The following LRCH1 variants were observed in gnomAD, a reference collection of about 807,000 sequenced individuals.
LRCH1 encodes the protein leucine rich repeats and calponin homology domain containing 1.
In LRCH1, 23 loss-of-function variants were observed where a neutral mutation model predicts 94.9. The observed-to-expected ratio is 0.24, with a 90% CI of 0.17 to 0.34. LRCH1 has a LOEUF of 0.34. LRCH1 is among the 10% of genes least tolerant of loss of function. The probability of loss-of-function intolerance (pLI) is 1.00; values close to 1 mark genes in which losing one functional copy is unlikely to be tolerated. For synonymous variants in LRCH1, 364 were observed against 354.9 expected (o/e 1.03, Z -0.29); for missense variants, 790 against 945.9 (o/e 0.84, Z 2.16).
At chr13:46,689,298 T>C in intron 7 of LRCH1, 102 bp downstream of exon 7, 1 of 793,462 alleles carries the variant, frequency 1.3e-6, no homozygotes, top group Non-Finnish European at 2.0e-6. Context: ...CATTTGTATA[T>C]TCATGTGATA....
intron 1 of LRCH1, among the ~76,000 whole-genome samples, chr13:46,562,844 C>G (rs1335238319): frequency 6.6e-6 from 1 of 152,146 alleles, no homozygotes. Flanking sequence ...CGCTGAGAGT[C>G]CCAATAATGC....
chr13:46,619,043 C>A (rs1388792842), intron 1 of LRCH1, among the ~76,000 whole-genome samples: 1 of 150,620 alleles, frequency 6.6e-6, no homozygotes, highest in Non-Finnish European at 1.5e-5. Flanking sequence ...ATCTAAAGTT[C>A]TCTTTTCTTT....
chr13:46,651,630 C>T (rs1440449878), intron 2 of LRCH1, among the ~76,000 whole-genome samples: 3 of 149,996 alleles, frequency 2.0e-5, no homozygotes, highest in African/African-American at 4.9e-5. Flanking sequence ...CATTGCACTC[C>T]GGCCTGGGTA....
intron 1 of LRCH1, among the ~76,000 whole-genome samples, chr13:46,566,672 G>T (rs1229481360): frequency 6.6e-6 from 1 of 152,210 alleles, no homozygotes; most frequent in African/African-American, 2.4e-5. Context: ...CTATTTTAGT[G>T]TCACTGAATA....
At chr13:46,587,806 A>G (rs1490770367) in intron 1 of LRCH1, among the ~76,000 whole-genome samples, 2 of 152,188 alleles carry the variant, frequency 1.3e-5, no homozygotes, top group Admixed American at 6.5e-5. Flanking sequence ...TAATCTTAGC[A>G]TGGGTTAGAG....
At chr13:46,619,801 C>G (rs1214456536) in intron 1 of LRCH1, among the ~76,000 whole-genome samples, 1 of 152,164 alleles carries the variant, frequency 6.6e-6, no homozygotes, top group Non-Finnish European at 1.5e-5. Flanking sequence ...TGGTGGATTT[C>G]ATGTGTTTAG....
intron 18 of LRCH1, chr13:46,750,390 G>T: frequency 1.7e-6 from 1 of 585,332 alleles, no homozygotes; most frequent in South Asian, 2.3e-5. Flanking sequence ...TTTGCAGTAG[G>T]TTGAAAGCAA....
At chr13:46,678,016 G>A (rs2051700636) in intron 3 of LRCH1, among the ~76,000 whole-genome samples, 1 of 152,130 alleles carries the variant, frequency 6.6e-6, no homozygotes, top group South Asian at 2.1e-4. Context: ...GGATTCATTT[G>A]ACTATTTTAA....
At chr13:46,697,146 A>G (rs1214340675) in intron 9 of LRCH1, among the ~76,000 whole-genome samples, 3 of 152,186 alleles carry the variant, frequency 2.0e-5, no homozygotes, top group African/African-American at 7.2e-5. Flanking sequence ...AACCACAGTC[A>G]ATTTTCATTA....
chr13:46,578,709 A>G (rs985570329), intron 1 of LRCH1, among the ~76,000 whole-genome samples: 2 of 152,230 alleles, frequency 1.3e-5, no homozygotes, highest in East Asian at 1.9e-4. Flanking sequence ...GAGCTGGTGC[A>G]GAAACAACTG....
chr13:46,727,644 G>A (rs1872888029), intron 17 of LRCH1, among the ~76,000 whole-genome samples: 2 of 152,064 alleles, frequency 1.3e-5, no homozygotes, highest in African/African-American at 4.8e-5. Context: ...CTGGGAGGGC[G>A]TGTCAATAAA....
intron 1 of LRCH1, among the ~76,000 whole-genome samples, chr13:46,579,773 C>T (rs1006844677): frequency 3.3e-5 from 5 of 152,156 alleles, no homozygotes; most frequent in Admixed American, 6.5e-5. Context: ...CTGAGTAATG[C>T]GAACATCTGA....
intron 13 of LRCH1, among the ~76,000 whole-genome samples, chr13:46,707,397 T>C (rs1281902247): frequency 1.3e-5 from 2 of 152,236 alleles, no homozygotes; most frequent in East Asian, 3.8e-4. Context: ...CCACACACTA[T>C]GTCCATCTTT....
At chr13:46,625,742 C>G (rs527284587) in intron 1 of LRCH1, among the ~76,000 whole-genome samples, 1 of 151,658 alleles carries the variant, frequency 6.6e-6, no homozygotes, top group African/African-American at 2.4e-5. Flanking sequence ...CAACCTCTGC[C>G]TCCTGGGCTC....
At chr13:46,752,602 A>G (rs1365798462) in exon 19 of LRCH1, 1 of 152,224 alleles carries the variant, frequency 6.6e-6, no homozygotes, top group Non-Finnish European at 1.5e-5. Context: ...ATTTTGGACA[A>G]AGAGTGTATA....
Position 46,741,960 on chromosome 13 carries a change from A to G in LRCH1, c.*112A>G. On this transcript the variant is annotated 3_prime_UTR_variant, in exon 20 of 20. Transcript: ENST00000389797. ...TTCCATCCCTGTCATGTCTTCAGTT[A>G]TCTCTCGAGTTTTGAAGCTGAACAG... 6.4e-7 allele frequency: 1 copy of G among 1,552,916 alleles called. No homozygotes were observed. The highest frequency in any genetic ancestry group is 8.7e-7 in the Non-Finnish European group (1 of 1,153,906).
chr13:46,627,313 G>A lies in LRCH1; in HGVS notation c.308-22888G>A, dbSNP rs115038659. On this transcript the variant is annotated intron_variant, in intron 1 of 19. Transcript: ENST00000389797. Reference sequence around the variant, plus strand: ...TGTGATTCTATATATGCCGGTATTTGTAAATGTAAAAGTGATACCAGCTAA... The same window carrying A: ...TGTGATTCTATATATGCCGGTATTTATAAATGTAAAAGTGATACCAGCTAA... Among the ~76,000 whole-genome samples the A allele has an allele frequency of 6.1e-3, 934 of 152,278 alleles. 6 individuals carry two copies. The highest frequency in any genetic ancestry group is 0.01 in the Middle Eastern group (3 of 294).
At chr13:46,706,808 G>A (rs139617039) in intron 13 of LRCH1, among the ~76,000 whole-genome samples, 5 of 152,182 alleles carry the variant, frequency 3.3e-5, no homozygotes, top group Non-Finnish European at 7.4e-5. Flanking sequence ...TGATAATCTT[G>A]TAAAATTAGA....
chr13:46,586,429 T>G (rs1252102741), intron 1 of LRCH1, among the ~76,000 whole-genome samples: 1 of 152,168 alleles, frequency 6.6e-6, no homozygotes, highest in Non-Finnish European at 1.5e-5. Flanking sequence ...TTGTTTTTGT[T>G]TTTTGAGACA....
Sources: gnomAD v4.1 joint callset for allele counts (sites outside exome capture counted in the v4.1 genomes callset) on GRCh38, gnomAD v4.1.1 for gene constraint, MANE v1.5 for transcripts, NCBI Gene and HGNC (gene_info 2026-07-23, HGNC 2026-07-21) for gene names.